The following CACNA2D1 variants were observed in gnomAD, a reference collection of about 807,000 sequenced individuals.
The protein encoded by CACNA2D1 is calcium voltage-gated channel auxiliary subunit alpha2delta 1, also known as voltage-dependent calcium channel subunit alpha-2/delta-1.
In CACNA2D1, 53 loss-of-function variants were observed where a neutral mutation model predicts 171.5. The observed-to-expected ratio is 0.31, with a 90% CI of 0.25 to 0.39. The LOEUF (loss-of-function observed/expected upper bound fraction) is 0.39, where lower values mean the gene tolerates loss of function less well. CACNA2D1 is among the 10% of genes least tolerant of loss of function. The pLI is 1.00. For synonymous variants in CACNA2D1, 442 were observed against 443.1 expected, an observed-to-expected ratio of 1.00 and a Z score of 0.03; for missense variants, 903 against 1,299.8, an observed-to-expected ratio of 0.69 and a Z score of 4.69.
chr7:82,083,256 C>G (rs1389776117), intron 7 of CACNA2D1, among the ~76,000 whole-genome samples: 1 of 151,878 alleles, frequency 6.6e-6, no homozygotes, highest in Non-Finnish European at 1.5e-5. Context: ...CAAATATATT[C>G]TTATATTTGT....
intron 3 of CACNA2D1, among the ~76,000 whole-genome samples, chr7:82,269,633 C>T (rs1006206444): frequency 6.6e-6 from 1 of 152,154 alleles, no homozygotes; most frequent in Non-Finnish European, 1.5e-5. Context: ...CTGTGAGGTC[C>T]TTAAGGCAGA....
intron 3 of CACNA2D1, among the ~76,000 whole-genome samples, chr7:82,250,178 C>T (rs1430277252): frequency 6.6e-6 from 1 of 152,162 alleles, no homozygotes; most frequent in African/African-American, 2.4e-5. Flanking sequence ...ACCCTCATTG[C>T]CCAATCACCT....
At chr7:81,961,740 T>G (rs985688620) in intron 36 of CACNA2D1, among the ~76,000 whole-genome samples, 154 bp downstream of exon 36, 2 of 152,014 alleles carry the variant, frequency 1.3e-5, no homozygotes, top group Non-Finnish European at 2.9e-5. Context: ...TTGCTGACAT[T>G]TTCAGCTTAA....
Position 82,357,048 on chromosome 7 carries a change from GA to G in CACNA2D1, c.96-7400del, listed in dbSNP as rs1331039978. Among the ~76,000 whole-genome samples the G allele has an allele frequency of 5.9e-5, 9 of 151,980 alleles. No homozygotes were observed. The South Asian group carries it at 8.3e-4, about 14-fold the overall frequency. On this transcript the variant is annotated intron_variant, in intron 1 of 38. Transcript: ENST00000356860. ...GAGGCAAATATTTTATTGAATAATT[GA>G]AAAAAATCTTTTATATCCTCTACTT...
intron 5 of CACNA2D1, among the ~76,000 whole-genome samples, chr7:82,129,549 T>C (rs1428322696): frequency 2.6e-5 from 4 of 152,210 alleles, no homozygotes; most frequent in African/African-American, 7.2e-5. Flanking sequence ...ATTGAGAATT[T>C]TGTTTCAGTG....
chr7:81,951,304 A>T (rs751759967), intron 38 of CACNA2D1, among the ~76,000 whole-genome samples: 3 of 152,052 alleles, frequency 2.0e-5, no homozygotes, highest in Non-Finnish European at 4.4e-5. Flanking sequence ...ACATCCTTTA[A>T]TTCCTTTTAA....
chr7:81,971,907 A>G, intron 25 of CACNA2D1, 43 bp from the exon 26 acceptor site: 1 of 1,171,052 alleles, frequency 8.5e-7, no homozygotes, highest in Non-Finnish European at 1.3e-6. Context: ...CATTTCTAAA[A>G]TTATGATCAT....
chr7:82,060,213 T>A (rs1361777777), intron 10 of CACNA2D1, among the ~76,000 whole-genome samples: 9 of 37,608 alleles, frequency 2.4e-4, no homozygotes, highest in African/African-American at 5.7e-4. Flanking sequence ...ATATATATAA[T>A]ATATATATAA....
At chr7:82,062,226 A>G (rs1312569161) in intron 9 of CACNA2D1, among the ~76,000 whole-genome samples, 1 of 152,264 alleles carries the variant, frequency 6.6e-6, no homozygotes, top group East Asian at 1.9e-4. Flanking sequence ...TAGAAACAAG[A>G]TAGAGGCAAC....
At chr7:81,970,851 T>A in intron 26 of CACNA2D1, 114 bp from the exon 27 acceptor site, 1 of 740,170 alleles carries the variant, frequency 1.4e-6, no homozygotes, top group Non-Finnish European at 2.5e-6. Context: ...AATATATCAA[T>A]AGATACACAA....
chr7:82,157,654 G>A (rs1794504669), intron 4 of CACNA2D1, among the ~76,000 whole-genome samples: 1 of 151,894 alleles, frequency 6.6e-6, no homozygotes, highest in Non-Finnish European at 1.5e-5. Context: ...GCAGGCTTAC[G>A]TTATCTTGAA....
At chr7:82,159,352 G>C (rs1794701401) in intron 4 of CACNA2D1, among the ~76,000 whole-genome samples, 1 of 151,790 alleles carries the variant, frequency 6.6e-6, no homozygotes, top group Admixed American at 6.6e-5. Flanking sequence ...ATGTTTGAAA[G>C]GAAGCACACT....
Position 82,288,693 on chromosome 7 carries a change from TCCC to T in CACNA2D1, c.294+46439_294+46441del, listed in dbSNP as rs1393071333. 5.3e-5 allele frequency among the ~76,000 whole-genome samples: 8 copies of T among 152,324 alleles called. No homozygotes were observed. In the East Asian group the frequency reaches 1.5e-3, roughly 29 times the overall value. Reference sequence around the variant, plus strand: ...GAACAGCATGAAGCTCTTCGTAATTTCCCACCTGACAACTGGGACCCAAAAGAA... The same window carrying T: ...GAACAGCATGAAGCTCTTCGTAATTTACCTGACAACTGGGACCCAAAAGAA... On this transcript the variant is annotated intron_variant, in intron 3 of 38. Transcript: ENST00000356860.
intron 10 of CACNA2D1, among the ~76,000 whole-genome samples, chr7:82,056,009 T>TAAAAAAAA (rs61512655): frequency 1.2e-4 from 5 of 42,190 alleles, no homozygotes; most frequent in Admixed American, 3.7e-4. Context: ...ACTCAAAAGT[T>TAAAAAAAA]AAAAAAAAAA....
chr7:82,295,394 T>G (rs1336194440), intron 3 of CACNA2D1, among the ~76,000 whole-genome samples: 2 of 151,698 alleles, frequency 1.3e-5, no homozygotes, highest in Non-Finnish European at 2.9e-5. Flanking sequence ...TGGAGTACAG[T>G]GGCGCAATCA....
At chr7:82,047,153 A>C (rs1451010821) in intron 10 of CACNA2D1, among the ~76,000 whole-genome samples, 1 of 152,094 alleles carries the variant, frequency 6.6e-6, no homozygotes, top group African/African-American at 2.4e-5. Context: ...CAACTGGAAA[A>C]ATGGGCAGCT....
intron 6 of CACNA2D1, among the ~76,000 whole-genome samples, chr7:82,085,354 A>C (rs1474110271): frequency 6.6e-6 from 1 of 152,064 alleles, no homozygotes; most frequent in Non-Finnish European, 1.5e-5. Flanking sequence ...CTGCTTGAGA[A>C]CTACTGTGAC....
chr7:82,242,980 G>C (rs1055654474), intron 3 of CACNA2D1, among the ~76,000 whole-genome samples: 3 of 151,984 alleles, frequency 2.0e-5, no homozygotes, highest in African/African-American at 7.2e-5. Flanking sequence ...CATAAATCAG[G>C]CTGTCCAGAA....
chr7:82,111,428 G>GTGTATA (rs1413914216), intron 6 of CACNA2D1, among the ~76,000 whole-genome samples: 4 of 50,416 alleles, frequency 7.9e-5, no homozygotes, highest in African/African-American at 3.8e-4. Context: ...ATATATGTGT[G>GTGTATA]TATATATATA....
Sources: allele counts gnomAD v4.1 joint callset (sites outside exome capture counted in the v4.1 genomes callset), GRCh38; gene constraint gnomAD v4.1.1; transcripts MANE v1.5; gene names NCBI Gene and HGNC (gene_info 2026-07-23, HGNC 2026-07-21).